SVOPL: variants seen among roughly 807,000 people sequenced by gnomAD.
SVOPL encodes the protein SVOP like.
Under a neutral mutation model 61.0 loss-of-function variants are expected in SVOPL, and 60 were observed. The observed-to-expected ratio is 0.98, with a 90% CI of 0.80 to 1.22. The LOEUF (loss-of-function observed/expected upper bound fraction) is 1.22, where lower values mean the gene tolerates loss of function less well. SVOPL is among the 50% of genes most tolerant of loss of function. The probability of loss-of-function intolerance (pLI) is 0.00; values close to 1 mark genes in which losing one functional copy is unlikely to be tolerated. For missense variants in SVOPL, 662 were observed against 643.9 expected (o/e 1.03, Z -0.30); for synonymous variants, 279 against 250.0 (o/e 1.12, Z -1.09).
At chr7:138,648,507 G>A (rs1273903027) in intron 8 of SVOPL, among the ~76,000 whole-genome samples, 1 of 140,564 alleles carries the variant, frequency 7.1e-6, no homozygotes, top group Non-Finnish European at 1.5e-5. Context: ...CGAGACCACG[G>A]TGAAACACTG....
chr7:138,648,700 A>T (rs1436650104), intron 8 of SVOPL, among the ~76,000 whole-genome samples: 1 of 151,308 alleles, frequency 6.6e-6, no homozygotes, highest in Non-Finnish European at 1.5e-5. Context: ...GCTGCACTCC[A>T]GCGCCACTGC....
chr7:138,651,665 T>C (rs1443552775), intron 7 of SVOPL, among the ~76,000 whole-genome samples: 1 of 152,200 alleles, frequency 6.6e-6, no homozygotes, highest in Non-Finnish European at 1.5e-5. Context: ...TGATTTTCTA[T>C]GTATCTTCCA....
At chr7:138,631,847 G>A (rs183300580) in intron 9 of SVOPL, among the ~76,000 whole-genome samples, 142 of 152,070 alleles carry the variant, frequency 9.3e-4, no homozygotes, top group African/African-American at 3.3e-3. Context: ...TAGATTACAG[G>A]CATGTGCCAC....
intron 8 of SVOPL, among the ~76,000 whole-genome samples, chr7:138,646,815 G>A (rs551428604): frequency 7.2e-5 from 11 of 152,154 alleles, no homozygotes; most frequent in African/African-American, 1.2e-4. Flanking sequence ...CACCATGTCT[G>A]GCCAGCAGAA....
chr7:138,644,961 C>A (rs1801023238), intron 8 of SVOPL, 116 bp from the exon 9 acceptor site: 1 of 1,392,918 alleles, frequency 7.2e-7, no homozygotes, highest in East Asian at 2.3e-5. Context: ...AAGTATGTAA[C>A]CAGCTTAAAG....
chr7:138,604,160 CACTGTGTTGCT>C (rs1798650407), intron 14 of SVOPL, among the ~76,000 whole-genome samples: 1 of 151,646 alleles, frequency 6.6e-6, no homozygotes, highest in Non-Finnish European at 1.5e-5. Context: ...CATGGGGTCC[CACTGTGTTGCT>C]CAGGCTGGTC....
At position 138,649,118 on chromosome 7, in the gene SVOPL, G is replaced by A; in HGVS notation, c.554C>T (p.Ser185Phe). The change falls in exon 8 of 16, where the codon TCC becomes TTC. Residue 185 changes from serine (S) to phenylalanine (F), a missense_variant. Physicochemically the swap from Ser to Phe is radical, Grantham distance 155. Transcript: ENST00000674285. ...PLSQVFWLAG[S>F]LLIIGLASVI... ...AGAGGCCAAGCCAATGATGAGCAGG[G>A]AGCCCGCAAGCCAGAACACCTAGGA... 1 of 1,613,724 alleles carries A rather than the reference G, an allele frequency of 6.2e-7. No individual in the cohort carries two copies.
At chr7:138,641,261 G>A (rs1800769181) in intron 9 of SVOPL, among the ~76,000 whole-genome samples, 1 of 140,104 alleles carries the variant, frequency 7.1e-6, no homozygotes, top group African/African-American at 2.8e-5. Flanking sequence ...ATTCAGTTTA[G>A]ACAACTACAA....
At position 138,682,976 on chromosome 7, in the gene SVOPL, A is replaced by G. The variant is rs545815732; in HGVS notation, c.-34-3897T>C. Among the ~76,000 whole-genome samples the G allele has an allele frequency of 2.0e-5, 3 of 150,794 alleles. No individual in the cohort carries two copies. In the East Asian group the frequency reaches 5.8e-4, roughly 29 times the overall value. Reference sequence around the variant, plus strand: ...AGAGCAAAACTCCATCTCAAAAAAAAAAAAAAGAAAAAAAAAAGAAAAACA... The same window carrying G: ...AGAGCAAAACTCCATCTCAAAAAAAGAAAAAAGAAAAAAAAAAGAAAAACA... On this transcript the variant is annotated intron_variant, in intron 1 of 15. Transcript: ENST00000674285.
chr7:138,650,507 AG>A (rs1584834003), intron 7 of SVOPL, among the ~76,000 whole-genome samples: 1 of 151,554 alleles, frequency 6.6e-6, no homozygotes, highest in East Asian at 2.0e-4. Context: ...GAGGCGCTCT[AG>A]GTTGTAGAGA....
rs1291896161 is a variant in SVOPL at position 138,644,804 on chromosome 7, G to A, written c.702C>T (p.Asn234=). 2 of 1,614,164 alleles carry A rather than the reference G, an allele frequency of 1.2e-6. No individual in the cohort carries two copies. Among genetic ancestry groups the A allele is most frequent in the Non-Finnish European group, 8.5e-7 (1 of 1,180,038 alleles). The change falls in exon 9 of 16, where the codon AAC becomes AAT. Residue 234 remains asparagine, a synonymous_variant. Transcript: ENST00000674285. ...ESARFNVSTG[N]TRAALATLER... is the part of the protein sequence containing the mutation. The stretch of plus-strand genomic sequence containing the variant: ...CCAGAGTGGCCAGGGCAGCCCGAGT[G>A]TTCCCAGTGGAGACATTGAACCGGG...
At chr7:138,633,683 T>C (rs1182688315) in intron 9 of SVOPL, among the ~76,000 whole-genome samples, 1 of 151,158 alleles carries the variant, frequency 6.6e-6, no homozygotes, top group Non-Finnish European at 1.5e-5. Context: ...ATACATATAA[T>C]AATGGCGGTA....
rs112224103 is a variant in SVOPL, at chr7:138,688,275, G to GTT, written c.-34-9198_-34-9197dup. 2.0e-3 allele frequency among the ~76,000 whole-genome samples: 290 copies of GTT among 146,008 alleles called. 1 individual carries two copies. The highest frequency in any genetic ancestry group is 6.4e-3 in the African/African-American group (259 of 40,162). On this transcript the variant is annotated intron_variant, in intron 1 of 15. Transcript: ENST00000674285. Reference sequence around the variant, plus strand: ...CAGTAGGATGCCGAAAAATTTTGGGGTTTTTTTTTTTGAGACAGAGTTTCA... The same window carrying GTT: ...CAGTAGGATGCCGAAAAATTTTGGGGTTTTTTTTTTTTTGAGACAGAGTTTCA...
rs576497456 is a variant in SVOPL at position 138,634,376 on chromosome 7, C to T, written c.790-4254G>A. Among the ~76,000 whole-genome samples, 16 of 152,074 alleles carry T rather than the reference C, an allele frequency of 1.1e-4. No individual in the cohort carries two copies. In the South Asian group the frequency reaches 1.7e-3, roughly 16 times the overall value. On this transcript the variant is annotated intron_variant, in intron 9 of 15. Coordinates refer to ENST00000674285, the MANE Select transcript of SVOPL (RefSeq NM_001139456.2). ...AAGAAAATTAAGGCAGGCACGGTGGCTCACGCCTGTAATTCCAGCACTTTG... is the reference window on the plus strand; with the variant it reads ...AAGAAAATTAAGGCAGGCACGGTGGTTCACGCCTGTAATTCCAGCACTTTG...
At chr7:138,643,422 C>CAAAAAAAAA (rs36014220) in intron 9 of SVOPL, among the ~76,000 whole-genome samples, 3 of 67,342 alleles carry the variant, frequency 4.5e-5, no homozygotes, top group African/African-American at 1.6e-4. Flanking sequence ...GACTCCATCT[C>CAAAAAAAAA]AAAAAAAAAA....
At chr7:138,615,142 T>A (rs111248530) in intron 14 of SVOPL, among the ~76,000 whole-genome samples, 7,625 of 152,196 alleles carry the variant, frequency 0.05, 226 homozygotes, top group Middle Eastern at 0.11. Context: ...GGTGCTTTTG[T>A]CCCTCCAAAA....
chr7:138,621,912 ATCTATG>A (rs1799604096), intron 13 of SVOPL, among the ~76,000 whole-genome samples: 1 of 132,120 alleles, frequency 7.6e-6, no homozygotes. Context: ...CTATGTATCT[ATCTATG>A]TATCTATCTA....
intron 9 of SVOPL, among the ~76,000 whole-genome samples, chr7:138,643,849 A>G (rs1356335170): frequency 6.6e-6 from 1 of 152,172 alleles, no homozygotes; most frequent in Admixed American, 6.6e-5. Context: ...TTTCATGACA[A>G]TACAAATGTA....
intron 7 of SVOPL, among the ~76,000 whole-genome samples, chr7:138,654,216 TAG>T (rs1801588540): frequency 6.6e-6 from 1 of 151,702 alleles, no homozygotes. Context: ...GCTAGATCAG[TAG>T]AGTGACTATA....
Sources: allele counts gnomAD v4.1 joint callset (sites outside exome capture counted in the v4.1 genomes callset), GRCh38; gene constraint gnomAD v4.1.1; transcripts MANE v1.5; gene names NCBI Gene and HGNC (gene_info 2026-07-23, HGNC 2026-07-21).